The following ABCC4 variants were observed in gnomAD, a reference collection of about 807,000 sequenced individuals.
ABCC4 encodes ATP binding cassette subfamily C member 4 (PEL blood group).
Under a neutral mutation model 168.5 loss-of-function variants are expected in ABCC4, and 102 were observed. That is an observed-to-expected ratio of 0.61 (90% confidence interval 0.52 to 0.71). The LOEUF is 0.71. Among genes scored for constraint, ABCC4 ranks in the 30% least tolerant of loss-of-function variants. ABCC4 has a pLI of 0.00. For missense variants in ABCC4, 1,402 were observed against 1,605.8 expected (o/e 0.87, Z 2.17); for synonymous variants, 617 against 590.7 (o/e 1.04, Z -0.65).
chr13:95,168,659 T>C (rs183084585), intron 14 of ABCC4, among the ~76,000 whole-genome samples: 10 of 152,198 alleles, frequency 6.6e-5, no homozygotes, highest in Admixed American at 3.3e-4. Context: ...ACTAAGCGGG[T>C]TTCAGACCCA....
At chr13:95,078,103 T>A (rs1315802597) in intron 21 of ABCC4, among the ~76,000 whole-genome samples, 1 of 152,172 alleles carries the variant, frequency 6.6e-6, no homozygotes, top group African/African-American at 2.4e-5. Context: ...GTGATAGTGC[T>A]TTAAGAAACC....
At chr13:95,299,034 C>G (rs528973300) in intron 1 of ABCC4, among the ~76,000 whole-genome samples, 2 of 152,162 alleles carry the variant, frequency 1.3e-5, no homozygotes, top group East Asian at 1.9e-4. Flanking sequence ...GGGAGGAACA[C>G]TTGAGCCCAG....
intron 30 of ABCC4, among the ~76,000 whole-genome samples, chr13:95,025,800 C>G (rs1236814297): frequency 2.6e-5 from 4 of 152,072 alleles, no homozygotes; most frequent in Non-Finnish European, 4.4e-5. Context: ...GAAAATGCAG[C>G]AGAATGATCA....
chr13:95,045,364 A>T (rs949646198), intron 27 of ABCC4, among the ~76,000 whole-genome samples: 4 of 152,290 alleles, frequency 2.6e-5, no homozygotes, highest in African/African-American at 7.2e-5. Flanking sequence ...TGGAAAAGTT[A>T]AAAAAATACA....
At chr13:95,211,951 C>T in intron 4 of ABCC4, among the ~76,000 whole-genome samples, 1 of 152,094 alleles carries the variant, frequency 6.6e-6, no homozygotes, top group South Asian at 2.1e-4. Flanking sequence ...GGGCTGAAGG[C>T]AGATCACTTG....
chr13:95,135,416 C>CT (rs1226284769), intron 19 of ABCC4, among the ~76,000 whole-genome samples: 10,804 of 138,850 alleles, frequency 0.078, 480 homozygotes, highest in Non-Finnish European at 0.1. Context: ...GTCCATAATT[C>CT]TTTTTTTTTT....
chr13:95,142,297 G>A (rs916872389), intron 19 of ABCC4, among the ~76,000 whole-genome samples: 3 of 152,324 alleles, frequency 2.0e-5, no homozygotes, highest in African/African-American at 7.2e-5. Context: ...GATGAGACTG[G>A]AGACTATTAT....
chr13:95,045,586 A>G (rs1032187843), intron 27 of ABCC4, among the ~76,000 whole-genome samples: 2 of 152,208 alleles, frequency 1.3e-5, no homozygotes, highest in African/African-American at 4.8e-5. Context: ...GATGATGTTG[A>G]TATTAATGTA....
intron 4 of ABCC4, among the ~76,000 whole-genome samples, chr13:95,214,324 T>G (rs1322109561): frequency 3.3e-5 from 5 of 152,058 alleles, no homozygotes; most frequent in African/African-American, 1.2e-4. Context: ...AATAAAATAT[T>G]CATGTAATTG....
At chr13:95,104,844 T>G (rs978706258) in intron 20 of ABCC4, among the ~76,000 whole-genome samples, 1 of 152,076 alleles carries the variant, frequency 6.6e-6, no homozygotes. Context: ...GTGCTGTGAA[T>G]CCAGAAGGTG....
chr13:95,036,587 T>C (rs1022765568), intron 29 of ABCC4, among the ~76,000 whole-genome samples: 1 of 152,120 alleles, frequency 6.6e-6, no homozygotes, highest in Non-Finnish European at 1.5e-5. Flanking sequence ...AGAAAGATCA[T>C]TTGGTCAAAA....
chr13:95,216,632 A>AAC (rs1566537065), intron 4 of ABCC4, among the ~76,000 whole-genome samples: 1 of 140,908 alleles, frequency 7.1e-6, no homozygotes, highest in African/African-American at 2.6e-5. Context: ...AAAAAAAAAA[A>AAC]CCAGCACAAA....
At position 95,021,694 on chromosome 13, in the gene ABCC4, A is replaced by C; in HGVS notation, c.3871-12T>G. On this transcript the variant is annotated splice_polypyrimidine_tract_variant and intron_variant, in intron 30 of 30. Transcript: ENST00000645237. The stretch of plus-strand genomic sequence containing the variant: ...CTTTTGAAGTATACCTAGAAAAAAA[A>C]AAGGTAAGCATAAAAAGAATGTTTC... The C allele has an allele frequency of 1.3e-6, 2 of 1,550,874 alleles. No individual in the cohort carries two copies. Among genetic ancestry groups the C allele is most frequent in the Non-Finnish European group, 1.8e-6 (2 of 1,129,346 alleles).
chr13:95,250,392 T>C (rs149935143), intron 1 of ABCC4, among the ~76,000 whole-genome samples: 1 of 152,318 alleles, frequency 6.6e-6, no homozygotes, highest in East Asian at 1.9e-4. Flanking sequence ...TACTGCCATA[T>C]TATTTGGAAT....
At chr13:95,132,446 C>G (rs1053177542) in intron 19 of ABCC4, among the ~76,000 whole-genome samples, 2 of 152,066 alleles carry the variant, frequency 1.3e-5, no homozygotes, top group African/African-American at 4.8e-5. Context: ...GAACTCCTGG[C>G]CTCAAGTTGA....
intron 4 of ABCC4, among the ~76,000 whole-genome samples, chr13:95,212,656 A>G (rs1037568432): frequency 6.6e-6 from 1 of 152,190 alleles, no homozygotes; most frequent in African/African-American, 2.4e-5. Flanking sequence ...GTCGTGTATT[A>G]CTGTGACCAG....
At chr13:95,114,494 C>G (rs1355276235) in intron 20 of ABCC4, among the ~76,000 whole-genome samples, 1 of 151,934 alleles carries the variant, frequency 6.6e-6, no homozygotes, top group East Asian at 1.9e-4. Context: ...GTAAACGGGG[C>G]AACTGTTTTA....
At chr13:95,236,762 C>T (rs983401213) in intron 3 of ABCC4, among the ~76,000 whole-genome samples, 19 of 152,162 alleles carry the variant, frequency 1.2e-4, no homozygotes, top group African/African-American at 4.3e-4. Flanking sequence ...AGAGGCTCAC[C>T]ATTACATTTC....
At chr13:95,147,565 G>A (rs933369404) in intron 19 of ABCC4, among the ~76,000 whole-genome samples, 1 of 152,078 alleles carries the variant, frequency 6.6e-6, no homozygotes, top group African/African-American at 2.4e-5. Flanking sequence ...ATCTAAAACT[G>A]CCTTAGGTCA....
Sources: gnomAD v4.1 joint callset for allele counts (sites outside exome capture counted in the v4.1 genomes callset) on GRCh38, gnomAD v4.1.1 for gene constraint, MANE v1.5 for transcripts, NCBI Gene and HGNC (gene_info 2026-07-23, HGNC 2026-07-21) for gene names.